VRK1: variants seen among roughly 807,000 people sequenced by gnomAD.
VRK1 encodes VRK serine/threonine kinase 1, also known as serine/threonine-protein kinase VRK1.
In VRK1, 33 loss-of-function variants were observed where a neutral mutation model predicts 57.1. The ratio of observed to expected loss-of-function variants is 0.58; its 90% CI spans 0.44 to 0.77. VRK1 has a LOEUF of 0.77. Among genes scored for constraint, VRK1 ranks in the 30% least tolerant of loss-of-function variants. VRK1 has a pLI of 0.00. For synonymous variants in VRK1, 137 were observed against 147.8 expected (o/e 0.93, Z 0.53); for missense variants, 413 against 477.3 (o/e 0.87, Z 1.25).
chr14:96,876,861 C>T (rs1196519588), intron 12 of VRK1, among the ~76,000 whole-genome samples: 1 of 151,396 alleles, frequency 6.6e-6, no homozygotes, highest in Non-Finnish European at 1.5e-5. Context: ...GCACTGAAGG[C>T]ACTTCCAATA....
intron 11 of VRK1, among the ~76,000 whole-genome samples, chr14:96,872,470 A>G (rs1041066831): frequency 8.5e-5 from 13 of 152,222 alleles, no homozygotes; most frequent in Non-Finnish European, 1.8e-4. Flanking sequence ...GAGGTTATGA[A>G]AATAGTTTAC....
At chr14:96,822,674 G>C (rs973584174) in intron 1 of VRK1, among the ~76,000 whole-genome samples, 1 of 152,210 alleles carries the variant, frequency 6.6e-6, no homozygotes, top group Non-Finnish European at 1.5e-5. Flanking sequence ...TCTTTGGTGA[G>C]AATTAAGTCA....
At chr14:96,807,517 G>A (rs1024437781) in intron 1 of VRK1, among the ~76,000 whole-genome samples, 2 of 152,112 alleles carry the variant, frequency 1.3e-5, no homozygotes, top group African/African-American at 4.8e-5. Context: ...TCCAGACATG[G>A]CTTGATACGT....
intron 12 of VRK1, among the ~76,000 whole-genome samples, chr14:96,876,998 TGACTC>T (rs1037194568): frequency 2.9e-4 from 44 of 152,106 alleles, no homozygotes; most frequent in African/African-American, 1.1e-3. Flanking sequence ...ATGATGTACT[TGACTC>T]AATAAAGAGA....
intron 2 of VRK1, among the ~76,000 whole-genome samples, chr14:96,835,426 CT>C (rs928334604): frequency 7.2e-5 from 11 of 152,130 alleles, no homozygotes; most frequent in African/African-American, 2.4e-4. Context: ...TCCGGCTTTT[CT>C]TCTTAGGTTC....
At chr14:96,833,034 C>T (rs936658082) in intron 1 of VRK1, among the ~76,000 whole-genome samples, 3 of 152,164 alleles carry the variant, frequency 2.0e-5, no homozygotes, top group Admixed American at 2.0e-4. Flanking sequence ...TCCCCTTGTG[C>T]TCAGTTGCCT....
chr14:96,801,134 C>T (rs1048427648), intron 1 of VRK1, among the ~76,000 whole-genome samples: 7 of 152,088 alleles, frequency 4.6e-5, no homozygotes, highest in South Asian at 2.1e-4. Context: ...GTTTGTATGT[C>T]GGCAGATATG....
At chr14:96,820,225 A>G (rs143381786) in intron 1 of VRK1, among the ~76,000 whole-genome samples, 273 of 152,146 alleles carry the variant, frequency 1.8e-3, no homozygotes, top group African/African-American at 6.2e-3. Context: ...CTTGAAAATG[A>G]TGATTTTTTT....
chr14:96,814,908 C>A (rs12894621), intron 1 of VRK1, among the ~76,000 whole-genome samples: 2 of 151,994 alleles, frequency 1.3e-5, no homozygotes, highest in East Asian at 3.9e-4. Context: ...AAAGTAATTG[C>A]GGTCCAACCT....
chr14:96,829,191 G>T (rs1368511706), intron 1 of VRK1, among the ~76,000 whole-genome samples: 1 of 151,874 alleles, frequency 6.6e-6, no homozygotes, highest in Non-Finnish European at 1.5e-5. Flanking sequence ...TTTTGCTTAG[G>T]AGTGTTTTCT....
chr14:96,812,922 A>G (rs930332017), intron 1 of VRK1, among the ~76,000 whole-genome samples: 10 of 152,220 alleles, frequency 6.6e-5, no homozygotes, highest in African/African-American at 2.2e-4. Flanking sequence ...CTTTGACTTT[A>G]ATCCTAGCCT....
At chr14:96,824,963 A>AT (rs755308758) in intron 1 of VRK1, among the ~76,000 whole-genome samples, 7 of 152,272 alleles carry the variant, frequency 4.6e-5, no homozygotes, top group Admixed American at 3.9e-4. Flanking sequence ...AAAAACATTA[A>AT]TTTTTTAAAA....
chr14:96,850,009 T>G (rs1211672110), intron 5 of VRK1, among the ~76,000 whole-genome samples: 3 of 151,902 alleles, frequency 2.0e-5, no homozygotes, highest in African/African-American at 4.8e-5. Flanking sequence ...TAGAGTGTGG[T>G]GACAAATGAG....
At chr14:96,855,473 G>A in intron 8 of VRK1, 117 bp downstream of exon 8, 2 of 1,492,308 alleles carry the variant, frequency 1.3e-6, no homozygotes, top group Middle Eastern at 1.7e-4. Flanking sequence ...AAAAGGCACA[G>A]TGGCATGAGG....
intron 11 of VRK1, among the ~76,000 whole-genome samples, chr14:96,869,165 A>G (rs950913294): frequency 1.3e-5 from 2 of 152,176 alleles, no homozygotes; most frequent in African/African-American, 2.4e-5. Context: ...TCTTGCTTAT[A>G]AGATTGTTAT....
At chr14:96,871,903 C>T (rs564827356) in intron 11 of VRK1, among the ~76,000 whole-genome samples, 59 of 152,114 alleles carry the variant, frequency 3.9e-4, no homozygotes, top group Admixed American at 8.5e-4. Context: ...TCACTGCAAC[C>T]TCTGCCTCCT....
chr14:96,813,711 G>C (rs1214633271), intron 1 of VRK1, among the ~76,000 whole-genome samples: 1 of 151,918 alleles, frequency 6.6e-6, no homozygotes, highest in Non-Finnish European at 1.5e-5. Context: ...CTATTTTTAT[G>C]GCATTTATAT....
At chr14:96,848,949 C>T (rs192460653) in intron 5 of VRK1, among the ~76,000 whole-genome samples, 2 of 152,238 alleles carry the variant, frequency 1.3e-5, no homozygotes, top group Admixed American at 6.5e-5. Context: ...GGGAGATGAA[C>T]GTGAGCACAG....
In VRK1 at chr14:96,830,465, A is replaced by G. The variant is rs185236496; in HGVS notation, c.-5-3002A>G. On this transcript the variant is annotated intron_variant, in intron 1 of 12. Coordinates refer to ENST00000216639, the MANE Select transcript of VRK1 (RefSeq NM_003384.3). ...TTATGTTCCTTCTCATGTAGTTTTT[A>G]TTTCCGAACTGATTTTTGTCTTTCA... Among the ~76,000 whole-genome samples the G allele has an allele frequency of 1.7e-4, 25 of 150,730 alleles. No individual in the cohort carries two copies. In the East Asian group the frequency reaches 4.9e-3, roughly 30 times the overall value.
Sources: allele counts gnomAD v4.1 joint callset (sites outside exome capture counted in the v4.1 genomes callset), GRCh38; gene constraint gnomAD v4.1.1; transcripts MANE v1.5; gene names NCBI Gene and HGNC (gene_info 2026-07-23, HGNC 2026-07-21).